Variants in HDAC11 observed in about 807,000 individuals in gnomAD.
HDAC11 encodes histone deacetylase 11.
HDAC11 carries 23 observed loss-of-function variants against 41.1 expected under a neutral mutation model. The observed-to-expected ratio is 0.56, with a 90% CI of 0.40 to 0.79. The LOEUF is 0.79. Among genes scored for constraint, HDAC11 ranks in the 30% least tolerant of loss-of-function variants. HDAC11 has a pLI of 0.00. For synonymous variants in HDAC11, 187 were observed against 186.6 expected, an observed-to-expected ratio of 1.00 and a Z score of -0.02; for missense variants, 402 against 477.3, an observed-to-expected ratio of 0.84 and a Z score of 1.47.
chr3:13,504,502 T>G lies in HDAC11; in HGVS notation c.863T>G (p.Met288Arg). 3 of 1,613,476 alleles carry G rather than the reference T, an allele frequency of 1.9e-6. No homozygotes were observed. Among genetic ancestry groups the G allele is most frequent in the Non-Finnish European group, 2.5e-6 (3 of 1,180,032 alleles). Residue 288 changes from methionine (M) to arginine (R), a missense_variant, in exon 10 of 10, where the codon ATG becomes AGG. Coordinates refer to ENST00000295757, the MANE Select transcript of HDAC11 (RefSeq NM_024827.4). ...IVKRDELVFRMVRGRRVPILM... is the reference protein window; with the variant it reads ...IVKRDELVFRRVRGRRVPILM... ...AAGCGGGATGAGCTGGTGTTCCGGA[T>G]GGTCCGTGGCCGCCGGGTGCCCATC...
rs1215631341 is a variant in HDAC11 at position 13,480,320 on chromosome 3, G to C, written c.-28G>C. On this transcript the variant is annotated 5_prime_UTR_variant, in exon 1 of 10. Transcript: ENST00000295757. The surrounding 1 kb of genome is among the most constrained non-coding windows in gnomAD (Gnocchi z 4.6). ...CCGCCCCGCCCGGTCGCGGAGCTGC[G>C]GCCAGCTTTGGGAGGGCCGGCCCCG... The C allele has an allele frequency of 2.5e-5, 31 of 1,233,472 alleles. No individual in the cohort carries two copies. The highest frequency in any genetic ancestry group is 3.2e-4 in the Middle Eastern group (1 of 3,164). 76.4% of individuals were successfully genotyped at this position (1,233,472 alleles called of 1,614,324 possible).
chr3:13,501,004 A>G (rs765562088), intron 6 of HDAC11, among the ~76,000 whole-genome samples: 1 of 152,148 alleles, frequency 6.6e-6, no homozygotes, highest in Non-Finnish European at 1.5e-5. Context: ...CCTGTGGTGG[A>G]AGGGAGTTAT....
intron 3 of HDAC11, among the ~76,000 whole-genome samples, chr3:13,488,367 C>T (rs1408747905): frequency 6.6e-6 from 1 of 152,174 alleles, no homozygotes; most frequent in Admixed American, 6.6e-5. Context: ...TCTCTAGTTC[C>T]AAACATTTTC....
At chr3:13,488,018 G>A (rs1701673943) in intron 3 of HDAC11, among the ~76,000 whole-genome samples, 1 of 151,472 alleles carries the variant, frequency 6.6e-6, no homozygotes, top group Admixed American at 6.6e-5. Context: ...GGGAGTGGGT[G>A]ATGTGGTCAT....
intron 3 of HDAC11, among the ~76,000 whole-genome samples, chr3:13,494,262 T>C (rs1011460877): frequency 1.2e-4 from 18 of 152,102 alleles, no homozygotes; most frequent in African/African-American, 4.1e-4. Flanking sequence ...AGGCTGTGAC[T>C]CCATGTGCTC....
At chr3:13,500,359 C>T (rs1448451328) in intron 5 of HDAC11, among the ~76,000 whole-genome samples, 4 of 152,162 alleles carry the variant, frequency 2.6e-5, no homozygotes, top group African/African-American at 4.8e-5. Context: ...TGGCAGAATC[C>T]GTGTGGCCCC....
intron 4 of HDAC11, among the ~76,000 whole-genome samples, chr3:13,498,159 T>C (rs1702188868): frequency 6.6e-6 from 1 of 152,202 alleles, no homozygotes; most frequent in Non-Finnish European, 1.5e-5. Context: ...CCTGGCCCAG[T>C]CTACTGTATT....
chr3:13,500,811 G>C, intron 6 of HDAC11, 22 bp downstream of exon 6: 1 of 1,495,118 alleles, frequency 6.7e-7, no homozygotes, highest in African/African-American at 1.4e-5. Context: ...AGCAAGTGGG[G>C]TCTCGCCTCC....
At chr3:13,484,052 G>T (rs1214829075) in intron 3 of HDAC11, among the ~76,000 whole-genome samples, 2 of 152,154 alleles carry the variant, frequency 1.3e-5, no homozygotes, top group Non-Finnish European at 2.9e-5. Context: ...CCGCCTTCCG[G>T]GTTCAAGCAA....
intron 3 of HDAC11, among the ~76,000 whole-genome samples, chr3:13,489,873 A>G (rs533425506): frequency 1.3e-5 from 2 of 152,044 alleles, no homozygotes; most frequent in East Asian, 3.9e-4. Flanking sequence ...CGCCCAGCCA[A>G]TTCTATTCAT....
At chr3:13,481,570 T>A (rs985322095) in intron 2 of HDAC11, among the ~76,000 whole-genome samples, 176 bp downstream of exon 2, 2 of 152,056 alleles carry the variant, frequency 1.3e-5, no homozygotes, top group Non-Finnish European at 1.5e-5. Context: ...CTAATCACGA[T>A]ATGATGTCCC....
At position 13,481,397 on chromosome 3, in the gene HDAC11, A is replaced by G. The variant is rs745811590; in HGVS notation, c.151+3A>G. On this transcript the variant is annotated splice_donor_region_variant and intron_variant, in intron 2 of 9. Transcript: ENST00000295757. ...CAAAGTGATCAATTTCCTAAAAGGTATGGAAGGTCCCCCTTGGACTCTCAT... is the reference window on the plus strand; with the variant it reads ...CAAAGTGATCAATTTCCTAAAAGGTGTGGAAGGTCCCCCTTGGACTCTCAT... 8 of 1,613,988 alleles carry G rather than the reference A, an allele frequency of 5.0e-6. No individual in the cohort carries two copies. The Admixed American group carries it at 1.2e-4, about 24-fold the overall frequency.
At chr3:13,486,382 T>C (rs1701575033) in intron 3 of HDAC11, among the ~76,000 whole-genome samples, 1 of 150,022 alleles carries the variant, frequency 6.7e-6, no homozygotes, top group Non-Finnish European at 1.5e-5. Flanking sequence ...TCTGCCACCA[T>C]GGATTTGCAT....
At chr3:13,488,111 T>C (rs1453369299) in intron 3 of HDAC11, among the ~76,000 whole-genome samples, 1 of 151,504 alleles carries the variant, frequency 6.6e-6, no homozygotes, top group African/African-American at 2.4e-5. Flanking sequence ...TCCAGTATAG[T>C]GTGGAGAGAA....
chr3:13,505,244 C>A lies in HDAC11; in HGVS notation c.*561C>A, dbSNP rs1257689411. ...GGTTCCCAGGCAGCAGGTGGGAACC[C>A]TGGGCCTGGATGTGAGGGGCGGTCA... On this transcript the variant is annotated 3_prime_UTR_variant, in exon 10 of 10. Coordinates refer to ENST00000295757, the MANE Select transcript of HDAC11 (RefSeq NM_024827.4). 1.9e-5 allele frequency: 3 copies of A among 161,422 alleles called. No individual in the cohort carries two copies. In the East Asian group the frequency reaches 5.2e-4, roughly 28 times the overall value. 10.0% of individuals were successfully genotyped at this position (161,422 alleles called of 1,614,324 possible).
chr3:13,497,610 G>T (rs1416478937), intron 4 of HDAC11, among the ~76,000 whole-genome samples: 1 of 152,138 alleles, frequency 6.6e-6, no homozygotes, highest in Non-Finnish European at 1.5e-5. Flanking sequence ...CACATTGTGT[G>T]TGTGGTTTTT....
chr3:13,493,358 A>T (rs1407363160), intron 3 of HDAC11, among the ~76,000 whole-genome samples: 1 of 151,826 alleles, frequency 6.6e-6, no homozygotes, highest in Non-Finnish European at 1.5e-5. Context: ...AGTCCGCCCC[A>T]CCCACTCTGT....
rs373705545 is a variant in HDAC11, at chr3:13,481,393, A to C, written c.150A>C (p.Lys50Asn). The C allele has an allele frequency of 3.1e-6, 5 of 1,613,838 alleles. No individual in the cohort carries two copies. The highest frequency in any genetic ancestry group is 4.2e-6 in the Non-Finnish European group (5 of 1,179,926). Reference protein sequence around the residue: ...GKWGKVINFLKEEKLLSDSML... With the variant: ...GKWGKVINFLNEEKLLSDSML... ...GGGGCAAAGTGATCAATTTCCTAAAAGGTATGGAAGGTCCCCCTTGGACTC... is the reference window on the plus strand; with the variant it reads ...GGGGCAAAGTGATCAATTTCCTAAACGGTATGGAAGGTCCCCCTTGGACTC... The change falls in exon 2 of 10, where the codon AAA becomes AAC. Residue 50 changes from lysine to asparagine, a missense_variant and splice_region_variant. Physicochemically the swap from Lys to Asn is moderately conservative, Grantham distance 94. Coordinates refer to ENST00000295757, the MANE Select transcript of HDAC11 (RefSeq NM_024827.4).
chr3:13,487,276 C>T (rs1196820467), intron 3 of HDAC11, among the ~76,000 whole-genome samples: 6 of 152,172 alleles, frequency 3.9e-5, no homozygotes, highest in Non-Finnish European at 8.8e-5. Flanking sequence ...GCTGTGGGCG[C>T]CCAGAGAGTG....
Sources: allele counts gnomAD v4.1 joint callset (sites outside exome capture counted in the v4.1 genomes callset), GRCh38; gene constraint gnomAD v4.1.1; non-coding constraint Gnocchi (gnomAD v3.1); transcripts MANE v1.5; gene names NCBI Gene and HGNC (gene_info 2026-07-23, HGNC 2026-07-21).